Variants in ZMAT4 observed in about 807,000 individuals in gnomAD.
ZMAT4 encodes zinc finger matrin-type 4.
Under a neutral mutation model 28.7 loss-of-function variants are expected in ZMAT4, and 17 were observed. The ratio of observed to expected loss-of-function variants is 0.59; its 90% CI spans 0.41 to 0.89. The LOEUF is 0.89. ZMAT4 is among the 40% of genes least tolerant of loss of function. The pLI is 0.00. For synonymous variants in ZMAT4, 117 were observed against 109.2 expected, an observed-to-expected ratio of 1.07 and a Z score of -0.44; for missense variants, 240 against 283.8, an observed-to-expected ratio of 0.85 and a Z score of 1.11.
chr8:40,842,855 A>G (rs1303959487), intron 1 of ZMAT4, among the ~76,000 whole-genome samples: 3 of 152,164 alleles, frequency 2.0e-5, no homozygotes, highest in African/African-American at 7.2e-5. Flanking sequence ...TGCTTACTGC[A>G]ATCTCCGCCC....
chr8:40,781,171 C>T (rs1813809612), intron 2 of ZMAT4, among the ~76,000 whole-genome samples: 1 of 151,656 alleles, frequency 6.6e-6, no homozygotes, highest in Admixed American at 6.6e-5. Context: ...ACGAATTCAG[C>T]CAGGCTGCAA....
intron 5 of ZMAT4, among the ~76,000 whole-genome samples, chr8:40,583,493 G>A (rs1477128793): frequency 1.3e-5 from 2 of 152,136 alleles, no homozygotes; most frequent in Non-Finnish European, 2.9e-5. Flanking sequence ...TGCTTAAAGT[G>A]ATACCAGAGG....
At chr8:40,859,634 A>G (rs1817421603) in intron 1 of ZMAT4, among the ~76,000 whole-genome samples, 1 of 152,208 alleles carries the variant, frequency 6.6e-6, no homozygotes, top group Non-Finnish European at 1.5e-5. Flanking sequence ...ACAAGTCTAT[A>G]CATGTCCCAT....
At chr8:40,690,960 T>C in intron 4 of ZMAT4, 1 of 980,964 alleles carries the variant, frequency 1.0e-6, no homozygotes, top group Non-Finnish European at 1.2e-6. Context: ...AAATAAGAAA[T>C]ACTTGATTTA....
chr8:40,559,231 C>A (rs891873272), intron 6 of ZMAT4, among the ~76,000 whole-genome samples: 2 of 152,130 alleles, frequency 1.3e-5, no homozygotes, highest in Admixed American at 1.3e-4. Context: ...TGACTGTGAA[C>A]TGGTTCTGGC....
At chr8:40,654,499 C>T (rs1171659585) in intron 5 of ZMAT4, among the ~76,000 whole-genome samples, 11 of 151,922 alleles carry the variant, frequency 7.2e-5, no homozygotes. Flanking sequence ...CATATAAAGT[C>T]ATCACACAAA....
rs148603208 is a variant in ZMAT4 at position 40,735,445 on chromosome 8, G to C, written c.192+32196C>G. Among the ~76,000 whole-genome samples, 352 of 152,258 alleles carry C rather than the reference G, an allele frequency of 2.3e-3. 3 individuals carry two copies. Among genetic ancestry groups the C allele is most frequent in the African/African-American group, 7.9e-3 (329 of 41,550 alleles). On this transcript the variant is annotated intron_variant, in intron 3 of 6. Transcript: ENST00000297737. ...GCACTATTCAGTTTTTGTGCTCATA[G>C]AGTCATAGTCAGTTATCTGAAAAAC...
At chr8:40,890,436 T>C (rs1432215277) in intron 1 of ZMAT4, among the ~76,000 whole-genome samples, 3 of 152,182 alleles carry the variant, frequency 2.0e-5, no homozygotes, top group Non-Finnish European at 4.4e-5. Flanking sequence ...CATTTTTCCC[T>C]GATCTAGTGT....
At chr8:40,804,751 A>G (rs7005857) in intron 2 of ZMAT4, among the ~76,000 whole-genome samples, 65,494 of 151,456 alleles carry the variant, frequency 0.43, 14,540 homozygotes, top group Middle Eastern at 0.55. Context: ...TGAGGCAGGA[A>G]AATTGCTTGA....
intron 2 of ZMAT4, among the ~76,000 whole-genome samples, chr8:40,806,574 A>G (rs993781663): frequency 6.6e-6 from 1 of 152,238 alleles, no homozygotes; most frequent in Non-Finnish European, 1.5e-5. Flanking sequence ...CTACCAAAAA[A>G]CACAGGCAGT....
intron 3 of ZMAT4, among the ~76,000 whole-genome samples, chr8:40,717,069 T>C (rs1325385596): frequency 6.6e-6 from 1 of 152,182 alleles, no homozygotes; most frequent in Non-Finnish European, 1.5e-5. Flanking sequence ...AGCTGAAACA[T>C]GTTGTATCTC....
At chr8:40,810,208 A>G (rs955119786) in intron 2 of ZMAT4, among the ~76,000 whole-genome samples, 64 of 152,320 alleles carry the variant, frequency 4.2e-4, no homozygotes, top group African/African-American at 1.4e-3. Flanking sequence ...AGAAATTCCA[A>G]TCAAGATTTC....
chr8:40,694,772 C>G (rs1051823953), intron 4 of ZMAT4, among the ~76,000 whole-genome samples: 2 of 152,182 alleles, frequency 1.3e-5, no homozygotes, highest in Admixed American at 6.5e-5. Flanking sequence ...ACCTGCTTCT[C>G]CAAGGCAGAT....
intron 3 of ZMAT4, among the ~76,000 whole-genome samples, chr8:40,721,444 T>C (rs1184660666): frequency 6.9e-6 from 1 of 145,932 alleles, no homozygotes; most frequent in South Asian, 2.3e-4. Flanking sequence ...AACATACGTG[T>C]GCATGTGTCT....
chr8:40,606,904 A>G (rs1047722477), intron 5 of ZMAT4, among the ~76,000 whole-genome samples: 6 of 152,044 alleles, frequency 3.9e-5, no homozygotes, highest in African/African-American at 1.4e-4. Flanking sequence ...ATTTTTTTAA[A>G]AATCCTTTTT....
intron 5 of ZMAT4, among the ~76,000 whole-genome samples, chr8:40,607,187 C>T (rs1242805156): frequency 2.3e-4 from 31 of 133,884 alleles, no homozygotes; most frequent in Non-Finnish European, 3.5e-4. Context: ...TGCAGTGGCA[C>T]GATCTCGGCT....
intron 1 of ZMAT4, among the ~76,000 whole-genome samples, chr8:40,847,216 AAC>A (rs144253276): frequency 0.086 from 11,609 of 134,944 alleles, 496 homozygotes; most frequent in East Asian, 0.091. Context: ...AAAACAAACA[AAC>A]AAAAAAAAAA....
intron 5 of ZMAT4, among the ~76,000 whole-genome samples, chr8:40,611,094 G>A (rs1805778517): frequency 1.3e-5 from 2 of 152,056 alleles, no homozygotes; most frequent in Admixed American, 6.5e-5. Flanking sequence ...TGGAAATTTC[G>A]CCTATTGAGA....
intron 5 of ZMAT4, among the ~76,000 whole-genome samples, chr8:40,620,587 A>G (rs910971141): frequency 3.3e-5 from 5 of 152,252 alleles, no homozygotes; most frequent in African/African-American, 1.2e-4. Flanking sequence ...CTCTCGATGT[A>G]AAAATTCGTC....
Sources: gnomAD v4.1 joint callset for allele counts (sites outside exome capture counted in the v4.1 genomes callset) on GRCh38, gnomAD v4.1.1 for gene constraint, MANE v1.5 for transcripts, NCBI Gene and HGNC (gene_info 2026-07-23, HGNC 2026-07-21) for gene names.